The following DAPK2 variants were observed in gnomAD, a reference collection of about 807,000 sequenced individuals.
The protein encoded by DAPK2 is death-associated protein kinase 2.
Under a neutral mutation model 44.1 loss-of-function variants are expected in DAPK2, and 35 were observed. That is an observed-to-expected ratio of 0.79 (90% CI 0.61 to 1.05). DAPK2 has a LOEUF of 1.05. DAPK2 is among the 50% of genes least tolerant of loss of function. DAPK2 has a pLI of 0.00. For synonymous variants in DAPK2, 174 were observed against 182.6 expected, an observed-to-expected ratio of 0.95 and a Z score of 0.38; for missense variants, 453 against 483.2, an observed-to-expected ratio of 0.94 and a Z score of 0.59.
chr15:63,998,843 T>A (rs2079015233), intron 1 of DAPK2, among the ~76,000 whole-genome samples: 1 of 152,192 alleles, frequency 6.6e-6, no homozygotes, highest in Admixed American at 6.5e-5. Context: ...GAGGATTAAA[T>A]GAATAATGAG....
chr15:63,924,859 T>C (rs751205501), exon 8 of DAPK2: 2 of 1,614,174 alleles, frequency 1.2e-6, no homozygotes, highest in Non-Finnish European at 1.7e-6. Context: ...TGTGAGCCGT[T>C]TCCTGCAATG....
At chr15:63,978,056 A>G (rs2078402760) in intron 2 of DAPK2, among the ~76,000 whole-genome samples, 1 of 152,206 alleles carries the variant, frequency 6.6e-6, no homozygotes, top group South Asian at 2.1e-4. Context: ...TTGCTTCCAC[A>G]GCACCTAGTG....
At chr15:63,996,989 G>A (rs982957875) in intron 1 of DAPK2, among the ~76,000 whole-genome samples, 1 of 152,174 alleles carries the variant, frequency 6.6e-6, no homozygotes, top group Non-Finnish European at 1.5e-5. Context: ...GGAGGGCTGG[G>A]TGGGGACAGA....
intron 3 of DAPK2, among the ~76,000 whole-genome samples, chr15:63,961,332 G>A (rs1195649845): frequency 2.6e-5 from 4 of 152,112 alleles, no homozygotes; most frequent in African/African-American, 7.2e-5. Context: ...GGAGCATTTA[G>A]CCCATTTACA....
In DAPK2 at chr15:63,949,926, C is replaced by A. The variant is rs147374178; in HGVS notation, c.454-10565G>T. The stretch of plus-strand genomic sequence containing the variant: ...GATGTCTATTGTATTCTCCCAATTT[C>A]TTCAAATGTTCTGAAATTTTTTTCC... On this transcript the variant is annotated intron_variant, in intron 3 of 10. Coordinates refer to ENST00000261891, the Ensembl canonical transcript of DAPK2. 4.3e-3 allele frequency among the ~76,000 whole-genome samples: 651 copies of A among 152,304 alleles called. 2 individuals carry two copies. Among genetic ancestry groups the A allele is most frequent in the African/African-American group, 0.015 (626 of 41,566 alleles).
Position 64,020,096 on chromosome 15 carries a change from G to C in DAPK2, c.92+20074C>G, listed in dbSNP as rs530147072. ...CCATGGCTCTAGATGAGTGATTCCTGCCCCAGCTGAGTAGACAGCCCATGG... is the reference window on the plus strand; with the variant it reads ...CCATGGCTCTAGATGAGTGATTCCTCCCCCAGCTGAGTAGACAGCCCATGG... On this transcript the variant is annotated intron_variant, in intron 1 of 10. Coordinates refer to ENST00000261891, the Ensembl canonical transcript of DAPK2. This position sits in a 1 kb window ranked among gnomAD's most constrained non-coding sequence, Gnocchi z 4.5. Among the ~76,000 whole-genome samples the C allele has an allele frequency of 1.3e-5, 2 of 152,286 alleles. No individual in the cohort carries two copies. Among genetic ancestry groups the C allele is most frequent in the African/African-American group, 4.8e-5 (2 of 41,544 alleles).
rs2077240597 is a variant in DAPK2 at position 63,939,173 on chromosome 15, A to G, written c.583+59T>C. ...TAGCCCCAGACACAGGTTTCTTCCC[A>G]GGATCCCTACCTTTGATGCCAGATT... On this transcript the variant is annotated intron_variant, in intron 4 of 10. Coordinates refer to ENST00000261891, the Ensembl canonical transcript of DAPK2. The surrounding 1 kb of genome is among the most constrained non-coding windows in gnomAD (Gnocchi z 4.3). 8.7e-6 allele frequency: 14 copies of G among 1,602,112 alleles called. No individual in the cohort carries two copies. Among genetic ancestry groups the G allele is most frequent in the Non-Finnish European group, 1.2e-5 (14 of 1,173,684 alleles).
chr15:63,939,426 A>C lies in DAPK2; in HGVS notation c.454-65T>G. On this transcript the variant is annotated intron_variant, in intron 3 of 10. Coordinates refer to ENST00000261891, the Ensembl canonical transcript of DAPK2. This position sits in a 1 kb window ranked among gnomAD's most constrained non-coding sequence, Gnocchi z 4.3. Reference sequence around the variant, plus strand: ...AAAAGAAAAAAAAAGACGGTAATTAAAGGCTGGTTGGTTCGTGTTTTGGCT... The same window carrying C: ...AAAAGAAAAAAAAAGACGGTAATTACAGGCTGGTTGGTTCGTGTTTTGGCT... The C allele has an allele frequency of 6.6e-7, 1 of 1,516,138 alleles. No homozygotes were observed. Among genetic ancestry groups the C allele is most frequent in the Non-Finnish European group, 8.8e-7 (1 of 1,130,664 alleles). The allele number at this position is 1,516,138 out of a possible 1,614,324, so 93.9% of individuals were successfully genotyped here.
At chr15:63,967,050 G>A (rs2078074071) in intron 3 of DAPK2, among the ~76,000 whole-genome samples, 1 of 151,990 alleles carries the variant, frequency 6.6e-6, no homozygotes, top group Non-Finnish European at 1.5e-5. Context: ...CATAGTGGTG[G>A]GTGCCTGTAG....
intron 2 of DAPK2, among the ~76,000 whole-genome samples, chr15:63,982,406 G>C (rs190205114): frequency 6.6e-6 from 1 of 151,970 alleles, no homozygotes; most frequent in African/African-American, 2.4e-5. Context: ...AGCCAGGCTG[G>C]TCTCAAACTC....
At chr15:64,045,880 C>T in intron 1 of DAPK2, among the ~76,000 whole-genome samples, 1 of 152,218 alleles carries the variant, frequency 6.6e-6, no homozygotes, top group East Asian at 1.9e-4. Flanking sequence ...ATCTGAGCAC[C>T]CTCCTCGCAT....
intron 1 of DAPK2, among the ~76,000 whole-genome samples, chr15:64,002,743 G>A (rs1237279286): frequency 2.0e-5 from 3 of 152,178 alleles, no homozygotes; most frequent in African/African-American, 7.2e-5. Flanking sequence ...GCAGCTATTT[G>A]GTAAGAATTC....
intron 1 of DAPK2, among the ~76,000 whole-genome samples, chr15:63,994,682 C>A (rs1253020427): frequency 2.0e-5 from 3 of 151,052 alleles, no homozygotes; most frequent in African/African-American, 7.3e-5. Context: ...CTCCGCCTCC[C>A]GGGTTCAAGC....
At position 63,947,111 on chromosome 15, in the gene DAPK2, T is replaced by A. The variant is rs2077469410; in HGVS notation, c.454-7750A>T. 2.0e-5 allele frequency among the ~76,000 whole-genome samples: 3 copies of A among 151,932 alleles called. No individual in the cohort carries two copies. The South Asian group carries it at 6.2e-4, about 31-fold the overall frequency. On this transcript the variant is annotated intron_variant, in intron 3 of 10. Coordinates refer to ENST00000261891, the Ensembl canonical transcript of DAPK2. ...TTCCCTCTGCTACCTCTCTGCTACCTCTTCATCACCCCATCCCACCCTGCA... is the reference window on the plus strand; with the variant it reads ...TTCCCTCTGCTACCTCTCTGCTACCACTTCATCACCCCATCCCACCCTGCA...
chr15:63,908,716 A>C lies in DAPK2; in HGVS notation c.1033-116T>G. 1 of 816,146 alleles carries C rather than the reference A, an allele frequency of 1.2e-6. No homozygotes were observed. Among genetic ancestry groups the C allele is most frequent in the Non-Finnish European group, 1.8e-6 (1 of 552,850 alleles). The allele number at this position is 816,146 out of a possible 1,614,324, so 50.6% of individuals were successfully genotyped here. A position where few individuals can be genotyped will look rare whatever the true frequency, so the allele number is the denominator to read the frequency against. On this transcript the variant is annotated intron_variant, in intron 10 of 10. Coordinates refer to ENST00000261891, the Ensembl canonical transcript of DAPK2. This position sits in a 1 kb window ranked among gnomAD's most constrained non-coding sequence, Gnocchi z 5.7. ...TGGACCACGGGACTACAAGCCAGGG[A>C]GGTGGGTGGTGAAAGCAAGCCTGCT... is the stretch of plus-strand genomic sequence containing the variant.
exon 3 of DAPK2, chr15:63,971,438 A>T (rs1379860305): frequency 1.3e-5 from 21 of 1,614,046 alleles, no homozygotes; most frequent in Non-Finnish European, 1.8e-5. Flanking sequence ...GATCAAAGTG[A>T]GCAATTTTCT....
rs1351911658 is a variant in DAPK2 at position 63,912,385 on chromosome 15, A to G, written c.859-188T>C. ...ACAGCTACACATGTCTCAGCTGTTC[A>G]GGAGTTGCCTCTCAGCTATTATTAC... On this transcript the variant is annotated intron_variant, in intron 8 of 10. Coordinates refer to ENST00000261891, the Ensembl canonical transcript of DAPK2. The surrounding 1 kb of genome is among the most constrained non-coding windows in gnomAD (Gnocchi z 4.4). Among the ~76,000 whole-genome samples, 4 of 152,272 alleles carry G rather than the reference A, an allele frequency of 2.6e-5. No individual in the cohort carries two copies. Among genetic ancestry groups the G allele is most frequent in the African/African-American group, 9.6e-5 (4 of 41,478 alleles).
chr15:63,942,096 TG>T, intron 3 of DAPK2: 1 of 490,618 alleles, frequency 2.0e-6, no homozygotes, highest in Non-Finnish European at 2.6e-6. Context: ...TGAATGGGGG[TG>T]GGAGCCAGAC....
intron 4 of DAPK2, among the ~76,000 whole-genome samples, chr15:63,933,596 AT>A (rs57997935): frequency 0.45 from 53,515 of 118,028 alleles, 11,043 homozygotes; most frequent in East Asian, 0.82. Flanking sequence ...GGACAGATTG[AT>A]TTTTTTTTTT....
Sources: gnomAD v4.1 joint callset for allele counts (sites outside exome capture counted in the v4.1 genomes callset) on GRCh38, gnomAD v4.1.1 for gene constraint, Gnocchi (gnomAD v3.1) non-coding constraint, MANE v1.5 for transcripts, NCBI Gene and HGNC (gene_info 2026-07-23, HGNC 2026-07-21) for gene names.